The following FAT3 variants were observed in gnomAD, a reference collection of about 807,000 sequenced individuals.
The protein encoded by FAT3 is FAT atypical cadherin 3, also known as protocadherin Fat 3.
Under a neutral mutation model 310.2 loss-of-function variants are expected in FAT3, and 95 were observed. The observed-to-expected ratio is 0.31, with a 90% CI of 0.26 to 0.36. The LOEUF (loss-of-function observed/expected upper bound fraction) is 0.36. Ranked by LOEUF, FAT3 falls within the 10% of genes least tolerant of loss-of-function variation. The pLI is 1.00. For missense variants in FAT3, 5,408 were observed against 5,715.6 expected, an observed-to-expected ratio of 0.95 and a Z score of 1.74; for synonymous variants, 2,314 against 2,192.9, an observed-to-expected ratio of 1.06 and a Z score of -1.54.
rs189459436 is a variant in FAT3 at position 92,896,048 on chromosome 11, T to A, written c.*4935T>A. The A allele has an allele frequency of 2.6e-5, 4 of 152,304 alleles. No homozygotes were observed. Among genetic ancestry groups the A allele is most frequent in the South Asian group, 2.1e-4 (1 of 4,824 alleles). The allele number at this position is 152,304 out of a possible 1,614,324, so 9.4% of individuals were successfully genotyped here. On this transcript the variant is annotated 3_prime_UTR_variant, in exon 28 of 28. Transcript: ENST00000525166. ...AACTTTCTCTGTTTTCAAGAAAAAT[T>A]GTCTTTATTGACATTTGTAAAAAAG...
At chr11:92,256,106 T>C (rs938095036) in intron 1 of FAT3, among the ~76,000 whole-genome samples, 1 of 152,174 alleles carries the variant, frequency 6.6e-6, no homozygotes, top group African/African-American at 2.4e-5. Context: ...GAAAACTTGT[T>C]GCTGAGTCTA....
intron 2 of FAT3, among the ~76,000 whole-genome samples, chr11:92,408,425 T>A (rs908473899): frequency 6.6e-6 from 1 of 152,180 alleles, no homozygotes; most frequent in African/African-American, 2.4e-5. Context: ...CAACTCAGCT[T>A]CTTGACTCTG....
Position 92,722,409 on chromosome 11 carries a change from C to T in FAT3, c.3669+24964C>T, listed in dbSNP as rs144527936. 9.1e-3 allele frequency among the ~76,000 whole-genome samples: 1,392 copies of T among 152,328 alleles called. 22 individuals are homozygous for T. Among genetic ancestry groups the T allele is most frequent in the African/African-American group, 0.031 (1,282 of 41,572 alleles). On this transcript the variant is annotated intron_variant, in intron 4 of 27. Coordinates refer to ENST00000525166, the MANE Select transcript of FAT3 (RefSeq NM_001367949.2). The stretch of plus-strand genomic sequence containing the variant: ...CTCCCATGGCCCTGGGCAGCTCTGC[C>T]TCTGTGGCTTTGCAGGGTACAGCCT...
At chr11:92,716,457 A>G (rs1420430943) in intron 4 of FAT3, among the ~76,000 whole-genome samples, 3 of 146,294 alleles carry the variant, frequency 2.1e-5, no homozygotes, top group Admixed American at 6.7e-5. Context: ...TCCAGTGCAG[A>G]AAAAAAAAAG....
chr11:92,270,138 A>G (rs1946083608), intron 1 of FAT3, among the ~76,000 whole-genome samples: 1 of 152,112 alleles, frequency 6.6e-6, no homozygotes, highest in Admixed American at 6.6e-5. Flanking sequence ...GATGTCTCTC[A>G]GCAGCGTTTG....
intron 3 of FAT3, among the ~76,000 whole-genome samples, chr11:92,597,476 G>A (rs959314645): frequency 6.6e-6 from 1 of 152,120 alleles, no homozygotes; most frequent in Admixed American, 6.6e-5. Context: ...CATTATTCAG[G>A]CCCCTTCATG....
chr11:92,542,440 G>A (rs1382596861), intron 3 of FAT3, among the ~76,000 whole-genome samples: 5 of 151,838 alleles, frequency 3.3e-5, no homozygotes, highest in Admixed American at 1.3e-4. Flanking sequence ...CATCTAATAA[G>A]GGGCTAATAA....
intron 3 of FAT3, among the ~76,000 whole-genome samples, chr11:92,564,015 A>G (rs369617117): frequency 4.6e-5 from 7 of 152,130 alleles, no homozygotes; most frequent in Admixed American, 2.0e-4. Context: ...CATAATGACA[A>G]GATCAAATTC....
At position 92,546,747 on chromosome 11, in the gene FAT3, T is replaced by C. The variant is rs146154058; in HGVS notation, c.3607+21799T>C. On this transcript the variant is annotated intron_variant, in intron 3 of 27. Coordinates refer to ENST00000525166, the MANE Select transcript of FAT3 (RefSeq NM_001367949.2). ...CTTTTAGTGGGTGGGGAACGGGGGC[T>C]ACCAGTGAGAACAATCAGAAAGAAC... Among the ~76,000 whole-genome samples the C allele has an allele frequency of 5.5e-3, 844 of 152,302 alleles. 5 individuals carry two copies. The highest frequency in any genetic ancestry group is 0.019 in the African/African-American group (801 of 41,564).
intron 4 of FAT3, among the ~76,000 whole-genome samples, chr11:92,730,525 G>A (rs1162841287): frequency 6.6e-6 from 1 of 152,120 alleles, no homozygotes; most frequent in East Asian, 1.9e-4. Flanking sequence ...AAAGGAACAG[G>A]ACCATAGTCC....
intron 1 of FAT3, among the ~76,000 whole-genome samples, chr11:92,226,697 C>T (rs1863920872): frequency 6.6e-6 from 1 of 152,008 alleles, no homozygotes; most frequent in Non-Finnish European, 1.5e-5. Context: ...GCCTGCGGCC[C>T]GGAGCGTGGG....
chr11:92,301,248 A>G (rs1946990016), intron 1 of FAT3, among the ~76,000 whole-genome samples: 2 of 152,140 alleles, frequency 1.3e-5, no homozygotes, highest in Admixed American at 6.6e-5. Flanking sequence ...GATTGCTGAC[A>G]TTTCCAAATG....
At chr11:92,784,152 T>C (rs897197446) in intron 7 of FAT3, among the ~76,000 whole-genome samples, 1 of 152,234 alleles carries the variant, frequency 6.6e-6, no homozygotes, top group African/African-American at 2.4e-5. Context: ...GCATATCTTT[T>C]AACTTCTCTA....
At chr11:92,279,549 G>A (rs1366984146) in intron 1 of FAT3, among the ~76,000 whole-genome samples, 9 of 152,074 alleles carry the variant, frequency 5.9e-5, no homozygotes, top group Admixed American at 4.6e-4. Context: ...CAAAAAAAGA[G>A]GTACTTTGTT....
chr11:92,538,425 T>C (rs1433724376), intron 3 of FAT3, among the ~76,000 whole-genome samples: 1 of 152,152 alleles, frequency 6.6e-6, no homozygotes, highest in Admixed American at 6.6e-5. Context: ...GTATACTAAC[T>C]GAGATGCTGA....
At chr11:92,562,136 T>C (rs1039724286) in intron 3 of FAT3, among the ~76,000 whole-genome samples, 3 of 152,164 alleles carry the variant, frequency 2.0e-5, no homozygotes, top group African/African-American at 7.2e-5. Flanking sequence ...TAACTCTGAT[T>C]ATCACTTTTA....
At chr11:92,551,764 T>G (rs1954830519) in intron 3 of FAT3, among the ~76,000 whole-genome samples, 1 of 152,160 alleles carries the variant, frequency 6.6e-6, no homozygotes, top group Admixed American at 6.6e-5. Flanking sequence ...CCATAATACT[T>G]CTCAAGTGTT....
intron 4 of FAT3, among the ~76,000 whole-genome samples, chr11:92,721,627 A>G (rs888923296): frequency 1.3e-5 from 2 of 152,218 alleles, no homozygotes; most frequent in Non-Finnish European, 2.9e-5. Context: ...CTGTGGGTGC[A>G]TCTTATGAGA....
chr11:92,882,632 A>T, intron 23 of FAT3, 106 bp from the exon 24 acceptor site: 4 of 693,022 alleles, frequency 5.8e-6, no homozygotes, highest in Non-Finnish European at 6.3e-6. Context: ...TGTACCCTTT[A>T]GGTGCATCGT....
Sources: allele counts gnomAD v4.1 joint callset (sites outside exome capture counted in the v4.1 genomes callset), GRCh38; gene constraint gnomAD v4.1.1; transcripts MANE v1.5; gene names NCBI Gene and HGNC (gene_info 2026-07-23, HGNC 2026-07-21).